Variants in UBAP1 observed in about 807,000 individuals in gnomAD.
UBAP1 encodes the protein ubiquitin associated protein 1.
In UBAP1, 5 loss-of-function variants were observed where a neutral mutation model predicts 39.0. The observed-to-expected ratio is 0.13, with a 90% CI of 0.07 to 0.27. The LOEUF is 0.27. Ranked by LOEUF, UBAP1 falls within the 10% of genes least tolerant of loss-of-function variation. The pLI is 1.00. For synonymous variants in UBAP1, 211 were observed against 225.1 expected, an observed-to-expected ratio of 0.94 and a Z score of 0.56; for missense variants, 490 against 608.1, an observed-to-expected ratio of 0.81 and a Z score of 2.04.
chr9:34,203,529 C>T (rs1285795817), intron 1 of UBAP1, among the ~76,000 whole-genome samples: 1 of 152,050 alleles, frequency 6.6e-6, no homozygotes, highest in East Asian at 1.9e-4. Flanking sequence ...CCTCGTAGTG[C>T]ATAAAGGCAA....
At chr9:34,237,038 G>A (rs1168340593) in intron 3 of UBAP1, among the ~76,000 whole-genome samples, 3 of 151,950 alleles carry the variant, frequency 2.0e-5, no homozygotes, top group African/African-American at 4.8e-5. Flanking sequence ...TGAAAACTCC[G>A]TTCAAATCTA....
At chr9:34,194,625 TCTTTAAGCCACCATTG>T (rs1416398571) in intron 1 of UBAP1, among the ~76,000 whole-genome samples, 1 of 152,166 alleles carries the variant, frequency 6.6e-6, no homozygotes, top group African/African-American at 2.4e-5. Flanking sequence ...ATAAAAATTT[TCTTTAAGCCACCATTG>T]GAAATATCCA....
At chr9:34,219,745 CCTCCCCTCCCCTCCCCT>C (rs1832568474) in intron 1 of UBAP1, among the ~76,000 whole-genome samples, 1 of 45,674 alleles carries the variant, frequency 2.2e-5, no homozygotes, top group Non-Finnish European at 5.1e-5. Flanking sequence ...TCCCCCTTCC[CCTCCCCTCCCCTCCCCT>C]CTCCCCTCCC....
intron 5 of UBAP1, 125 bp from the exon 6 acceptor site, chr9:34,250,533 C>T (rs922210502): frequency 7.8e-6 from 5 of 643,374 alleles, no homozygotes; most frequent in Non-Finnish European, 1.3e-5. Flanking sequence ...AAAATCAAAT[C>T]CTATCCAGTA....
chr9:34,226,529 G>A (rs372850878), intron 2 of UBAP1, among the ~76,000 whole-genome samples: 28 of 152,234 alleles, frequency 1.8e-4, no homozygotes, highest in East Asian at 1.2e-3. Context: ...GAGCCACCGC[G>A]CCTGGCCTTG....
rs760312326 is a variant in UBAP1, at chr9:34,249,871, G to A, written c.1176G>A (p.Glu392=). The A allele has an allele frequency of 1.2e-6, 2 of 1,614,110 alleles. No individual in the cohort carries two copies. Among genetic ancestry groups the A allele is most frequent in the Admixed American group, 3.3e-5 (2 of 60,000 alleles). Residue 392 remains glutamate (E), a synonymous_variant, in exon 5 of 7, where the codon GAG becomes GAA. Coordinates refer to ENST00000297661, the MANE Select transcript of UBAP1 (RefSeq NM_016525.5). The part of the protein sequence containing the change: ...YSELQMLSPS[E]RQCVETVVNM... ...AACTGCAGATGCTGTCCCCCAGCGA[G>A]CGGCAGTGTGTGGAGACGGTGGTCA...
chr9:34,215,740 CATATAT>C (rs746316365), intron 1 of UBAP1, among the ~76,000 whole-genome samples: 28 of 151,550 alleles, frequency 1.8e-4, no homozygotes, highest in African/African-American at 6.3e-4. Flanking sequence ...AACGTGTGTA[CATATAT>C]ATATGTACAC....
intron 1 of UBAP1, among the ~76,000 whole-genome samples, chr9:34,185,155 A>G (rs1830330102): frequency 6.8e-6 from 1 of 147,768 alleles, no homozygotes; most frequent in Non-Finnish European, 1.5e-5. Flanking sequence ...GCTGGTCTCG[A>G]ACTTCGGACC....
chr9:34,200,340 A>G, intron 1 of UBAP1, among the ~76,000 whole-genome samples: 1 of 152,134 alleles, frequency 6.6e-6, no homozygotes, highest in African/African-American at 2.4e-5. Flanking sequence ...AGAATCTGTC[A>G]TTTCTCCAGA....
At chr9:34,183,857 G>A (rs890444686) in intron 1 of UBAP1, among the ~76,000 whole-genome samples, 2 of 150,294 alleles carry the variant, frequency 1.3e-5, no homozygotes, top group African/African-American at 2.4e-5. Context: ...CGCAACTGCC[G>A]CCTCCCGGGT....
chr9:34,202,451 T>G (rs983802537), intron 1 of UBAP1, among the ~76,000 whole-genome samples: 1 of 151,948 alleles, frequency 6.6e-6, no homozygotes, highest in Non-Finnish European at 1.5e-5. Flanking sequence ...GGCTTAAGAC[T>G]CACAATGAGA....
intron 1 of UBAP1, among the ~76,000 whole-genome samples, chr9:34,205,030 T>G (rs574922596): frequency 8.7e-4 from 133 of 152,264 alleles, no homozygotes; most frequent in African/African-American, 3.0e-3. Context: ...TTGAGACAAG[T>G]TCTCACTCTG....
chr9:34,216,098 C>T (rs892450157), intron 1 of UBAP1, among the ~76,000 whole-genome samples: 3 of 151,618 alleles, frequency 2.0e-5, no homozygotes, highest in Non-Finnish European at 4.4e-5. Flanking sequence ...CATTGCCTCT[C>T]TGATTTTCAA....
chr9:34,188,067 G>A (rs1411874780), intron 1 of UBAP1, among the ~76,000 whole-genome samples: 2 of 148,238 alleles, frequency 1.3e-5, no homozygotes, highest in African/African-American at 2.5e-5. Context: ...TGATCTGGGC[G>A]AGGATCACAC....
intron 3 of UBAP1, among the ~76,000 whole-genome samples, chr9:34,238,749 A>G (rs1451497754): frequency 1.3e-5 from 2 of 152,220 alleles, no homozygotes; most frequent in East Asian, 1.9e-4. Flanking sequence ...TTTATTGGCA[A>G]TAACAAATAG....
intron 1 of UBAP1, chr9:34,191,694 T>A (rs1563887631): frequency 6.5e-6 from 1 of 154,698 alleles, no homozygotes; most frequent in Admixed American, 6.5e-5. Flanking sequence ...GGCAAGAGAT[T>A]TGTGCTTATG....
intron 3 of UBAP1, among the ~76,000 whole-genome samples, chr9:34,239,514 T>C (rs768170249): frequency 2.0e-5 from 3 of 152,234 alleles, no homozygotes; most frequent in Non-Finnish European, 4.4e-5. Context: ...AAAATTTCTT[T>C]AGAGTGAGCC....
Position 34,179,112 on chromosome 9 carries a change from G to A in UBAP1, c.-136G>A. 1 of 1,275,918 alleles carries A rather than the reference G, an allele frequency of 7.8e-7. No homozygotes were observed. The highest frequency in any genetic ancestry group is 9.9e-7 in the Non-Finnish European group (1 of 1,009,102). 79.0% of individuals were successfully genotyped at this position (1,275,918 alleles called of 1,614,324 possible). ...TACGGTGACGGCCTGGCCCGGAGCG[G>A]GCAGAGTTGGAGGTGGTGGCGTTCG... On this transcript the variant is annotated 5_prime_UTR_variant, in exon 1 of 7. Coordinates refer to ENST00000297661, the MANE Select transcript of UBAP1 (RefSeq NM_016525.5).
intron 1 of UBAP1, among the ~76,000 whole-genome samples, chr9:34,220,181 C>G: frequency 1.1e-5 from 1 of 90,302 alleles, no homozygotes; most frequent in Non-Finnish European, 2.1e-5. Context: ...TAGACAGGGT[C>G]TTGTGCTGTT....
Sources: gnomAD v4.1 joint callset for allele counts (sites outside exome capture counted in the v4.1 genomes callset) on GRCh38, gnomAD v4.1.1 for gene constraint, MANE v1.5 for transcripts, NCBI Gene and HGNC (gene_info 2026-07-23, HGNC 2026-07-21) for gene names.